Variants in HSPA4L observed in about 807,000 individuals in gnomAD.
The protein encoded by HSPA4L is heat shock 70 kDa protein 4L.
In HSPA4L, 48 loss-of-function variants were observed where a neutral mutation model predicts 100.3. The observed-to-expected ratio is 0.48, with a 90% confidence interval of 0.38 to 0.61. The LOEUF is 0.61. Ranked by LOEUF, HSPA4L falls within the 20% of genes least tolerant of loss-of-function variation. HSPA4L has a pLI of 0.00. For missense variants in HSPA4L, 886 were observed against 988.6 expected (o/e 0.90, Z 1.39); for synonymous variants, 319 against 328.2 (o/e 0.97, Z 0.30).
chr4:127,788,694 A>G (rs530139408), intron 1 of HSPA4L, among the ~76,000 whole-genome samples: 1 of 152,312 alleles, frequency 6.6e-6, no homozygotes, highest in Non-Finnish European at 1.5e-5. Flanking sequence ...GGGGTATGTC[A>G]CAACTGAGGT....
intron 1 of HSPA4L, among the ~76,000 whole-genome samples, chr4:127,786,186 C>T (rs954092342): frequency 6.6e-6 from 1 of 150,896 alleles, no homozygotes; most frequent in African/African-American, 2.4e-5. Context: ...CTTTTTTTTC[C>T]GTAAGAAGCC....
chr4:127,794,608 G>A (rs994738905), intron 2 of HSPA4L, among the ~76,000 whole-genome samples: 2 of 151,962 alleles, frequency 1.3e-5, no homozygotes. Context: ...TGATTAGAAC[G>A]TTGACTTTTA....
Position 127,803,803 on chromosome 4 carries a change from A to G in HSPA4L, c.838A>G (p.Asn280Asp). Residue 280 changes from asparagine (N) to aspartate (D), a missense_variant, in exon 7 of 19, where the codon AAT becomes GAT. By Grantham distance (23) the Asn-to-Asp change is conservative. Transcript: ENST00000296464. ...CEKLKKLMSA[N>D]ASDLPLNIEC... ...AAAACTAAAGAAGCTAATGAGTGCA[A>G]ATGCATCAGATCTTCCATTGAACAT... 6.2e-7 allele frequency: 1 copy of G among 1,613,874 alleles called. No individual in the cohort carries two copies. The highest frequency in any genetic ancestry group is 8.5e-7 in the Non-Finnish European group (1 of 1,179,850).
intron 8 of HSPA4L, among the ~76,000 whole-genome samples, chr4:127,804,685 AGAT>A (rs1256307485): frequency 1.3e-5 from 2 of 151,986 alleles, no homozygotes; most frequent in African/African-American, 2.4e-5. Flanking sequence ...TATAAACTAT[AGAT>A]GATTCTAAAA....
rs1733912182 is a variant in HSPA4L, at chr4:127,825,007, G to A, written c.2046+1383G>A. On this transcript the variant is annotated intron_variant, in intron 16 of 18. Coordinates refer to ENST00000296464, the MANE Select transcript of HSPA4L (RefSeq NM_014278.4). The stretch of plus-strand genomic sequence containing the variant: ...TACAAAAAATTAGCTGAGCGTGGTG[G>A]CGGGCACCTGTAGTCCCAGCTACTC... Among the ~76,000 whole-genome samples, 4 of 152,054 alleles carry A rather than the reference G, an allele frequency of 2.6e-5. No individual in the cohort carries two copies. In the South Asian group the frequency reaches 8.3e-4, roughly 32 times the overall value.
chr4:127,831,373 T>C lies in HSPA4L; in HGVS notation c.2328+574T>C, dbSNP rs7662314. Among the ~76,000 whole-genome samples, 481 of 151,856 alleles carry C rather than the reference T, an allele frequency of 3.2e-3. 4 individuals carry two copies. Among genetic ancestry groups the C allele is most frequent in the African/African-American group, 0.011 (457 of 41,428 alleles). ...AAAATTAGCTGGGCGTGGTAGTGCATATCTGTAGTCCCAGCTACTCAGGAG... is the reference window on the plus strand; with the variant it reads ...AAAATTAGCTGGGCGTGGTAGTGCACATCTGTAGTCCCAGCTACTCAGGAG... On this transcript the variant is annotated intron_variant, in intron 18 of 18. Coordinates refer to ENST00000296464, the MANE Select transcript of HSPA4L (RefSeq NM_014278.4).
chr4:127,804,645 ACACT>A (rs1291612798), intron 8 of HSPA4L, among the ~76,000 whole-genome samples: 3 of 139,180 alleles, frequency 2.2e-5, no homozygotes, highest in Admixed American at 1.5e-4. Flanking sequence ...ACACACACAC[ACACT>A]CATGCTAGTT....
chr4:127,803,701 G>A lies in HSPA4L; in HGVS notation c.736G>A (p.Asp246Asn). Residue 246 changes from aspartate to asparagine, a missense_variant, in exon 7 of 19, where the codon GAT becomes AAT. By Grantham distance (23) the Asp-to-Asn change is conservative (BLOSUM62 1). Coordinates refer to ENST00000296464, the MANE Select transcript of HSPA4L (RefSeq NM_014278.4). Reference sequence around the variant, plus strand: ...TGAGGCTTTAGTAGACTACTTCTGTGATGAGTTCAAGACCAAATATAAGAT... The same window carrying A: ...TGAGGCTTTAGTAGACTACTTCTGTAATGAGTTCAAGACCAAATATAAGAT... ...FDEALVDYFC[D>N]EFKTKYKINV... is the part of the protein sequence containing the mutation. The A allele has an allele frequency of 6.2e-7, 1 of 1,613,770 alleles. No homozygotes were observed. Among genetic ancestry groups the A allele is most frequent in the African/African-American group, 1.3e-5 (1 of 74,974 alleles).
In HSPA4L at chr4:127,833,566, G is replaced by T. The variant is rs543643357; in HGVS notation, c.*692G>T. On this transcript the variant is annotated 3_prime_UTR_variant, in exon 19 of 19. Transcript: ENST00000296464. Reference sequence around the variant, plus strand: ...CGTTGTCTTTTCGCTTGAAATTTTTGATCTTGTCCTGAAGACTAGCTGCTG... The same window carrying T: ...CGTTGTCTTTTCGCTTGAAATTTTTTATCTTGTCCTGAAGACTAGCTGCTG... 2.6e-5 allele frequency: 4 copies of T among 152,204 alleles called. No individual in the cohort carries two copies. Among genetic ancestry groups the T allele is most frequent in the East Asian group, 3.9e-4 (2 of 5,192 alleles). 9.4% of individuals were successfully genotyped at this position (152,204 alleles called of 1,614,324 possible).
At chr4:127,805,561 CA>C (rs1733330443) in intron 9 of HSPA4L, 125 bp from the exon 10 acceptor site, 5 of 655,452 alleles carry the variant, frequency 7.6e-6, no homozygotes, top group East Asian at 2.9e-5. Context: ...TTCTCATTGC[CA>C]AAAACCAGTA....
At chr4:127,789,050 A>G (rs1459050) in intron 1 of HSPA4L, among the ~76,000 whole-genome samples, 108,339 of 152,062 alleles carry the variant, frequency 0.71, 39,057 homozygotes, top group Middle Eastern at 0.82. Context: ...CAAACTTAGT[A>G]CTGAGCTTTT....
intron 1 of HSPA4L, among the ~76,000 whole-genome samples, chr4:127,788,076 A>G (rs1732767846): frequency 6.6e-6 from 1 of 152,004 alleles, no homozygotes; most frequent in Admixed American, 6.5e-5. Flanking sequence ...GAGTTTTTCA[A>G]ATAATATATC....
chr4:127,804,925 T>C (rs1043482479), intron 8 of HSPA4L, 148 bp from the exon 9 acceptor site: 2 of 545,748 alleles, frequency 3.7e-6, no homozygotes, highest in Non-Finnish European at 6.5e-6. Context: ...ATTTATTAAA[T>C]GTTATATCTT....
chr4:127,782,189 A>G (rs555274087), upstream of HSPA4L: 413 of 406,772 alleles, frequency 1.0e-3, 1 homozygote, highest in African/African-American at 8.1e-3. Flanking sequence ...CCGTTGCCCG[A>G]GTGCTGACGG....
At chr4:127,803,464 A>G (rs1178140560) in intron 6 of HSPA4L, among the ~76,000 whole-genome samples, 165 bp from the exon 7 acceptor site, 2 of 152,202 alleles carry the variant, frequency 1.3e-5, no homozygotes, top group African/African-American at 2.4e-5. Flanking sequence ...TTGACTAAAT[A>G]TAAGTGATAA....
intron 14 of HSPA4L, among the ~76,000 whole-genome samples, chr4:127,822,506 A>G (rs957936765): frequency 2.6e-5 from 4 of 152,016 alleles, no homozygotes; most frequent in Non-Finnish European, 5.9e-5. Context: ...TCTGCTTTCA[A>G]TTTTTTGTGG....
chr4:127,834,970 CT>C lies in HSPA4L; in HGVS notation c.*2101del, dbSNP rs1734170023. 1 of 152,106 alleles carries C rather than the reference CT, an allele frequency of 6.6e-6. No individual in the cohort carries two copies. Among genetic ancestry groups the C allele is most frequent in the African/African-American group, 2.4e-5 (1 of 41,438 alleles). 9.4% of individuals were successfully genotyped at this position (152,106 alleles called of 1,614,324 possible). Reference sequence around the variant, plus strand: ...ACTTATATACATCCAAATATATATACTTTTTCTACCCAATTATTCAACTTAA... The same window carrying C: ...ACTTATATACATCCAAATATATATACTTTTCTACCCAATTATTCAACTTAA... On this transcript the variant is annotated 3_prime_UTR_variant, in exon 19 of 19. Coordinates refer to ENST00000296464, the MANE Select transcript of HSPA4L (RefSeq NM_014278.4).
intron 2 of HSPA4L, 42 bp downstream of exon 2, chr4:127,794,176 A>T: frequency 1.3e-6 from 2 of 1,490,944 alleles, no homozygotes; most frequent in Non-Finnish European, 1.9e-6. Context: ...AGGAAGAATT[A>T]ACTGAATATT....
At chr4:127,825,919 T>TC (rs1357428263) in intron 16 of HSPA4L, among the ~76,000 whole-genome samples, 1 of 96,664 alleles carries the variant, frequency 1.0e-5, no homozygotes, top group Non-Finnish European at 2.0e-5. Flanking sequence ...AGAGCAAAAC[T>TC]CCATCTCAAA....
Sources: allele counts gnomAD v4.1 joint callset (sites outside exome capture counted in the v4.1 genomes callset), GRCh38; gene constraint gnomAD v4.1.1; transcripts MANE v1.5; gene names NCBI Gene and HGNC (gene_info 2026-07-23, HGNC 2026-07-21).